The following PTK2 variants were observed in gnomAD, a reference collection of about 807,000 sequenced individuals.
PTK2 encodes focal adhesion kinase 1.
A neutral mutation model predicts 150.1 loss-of-function variants in PTK2; 45 were observed. That is an observed-to-expected ratio of 0.30 (90% confidence interval 0.24 to 0.38). PTK2 has a LOEUF of 0.38. Ranked by LOEUF, PTK2 falls within the 10% of genes least tolerant of loss-of-function variation. PTK2 has a pLI of 1.00. For synonymous variants in PTK2, 432 were observed against 449.2 expected (o/e 0.96, Z 0.48); for missense variants, 919 against 1,307.3 (o/e 0.70, Z 4.58).
intron 27 of PTK2, among the ~76,000 whole-genome samples, chr8:140,685,897 G>A (rs10090373): frequency 0.39 from 59,736 of 151,954 alleles, 12,916 homozygotes; most frequent in Non-Finnish European, 0.49. Flanking sequence ...CACACCCAAA[G>A]GAATATAAAT....
intron 8 of PTK2, among the ~76,000 whole-genome samples, chr8:140,824,899 G>A (rs2100110960): frequency 6.6e-6 from 1 of 152,174 alleles, no homozygotes; most frequent in Non-Finnish European, 1.5e-5. Context: ...AATTTACTAA[G>A]AATGTGATAC....
chr8:140,918,855 T>C (rs1045664539), intron 2 of PTK2, among the ~76,000 whole-genome samples: 3 of 152,270 alleles, frequency 2.0e-5, no homozygotes, highest in Non-Finnish European at 2.9e-5. Context: ...ACTGTGTCTT[T>C]ATCTACAAGT....
At chr8:140,811,267 G>C (rs1251249020) in intron 10 of PTK2, among the ~76,000 whole-genome samples, 1 of 152,194 alleles carries the variant, frequency 6.6e-6, no homozygotes, top group Non-Finnish European at 1.5e-5. Flanking sequence ...CAGTCTCCCA[G>C]AATTAGAGCA....
At chr8:140,764,449 T>C in intron 14 of PTK2, 159 bp from the exon 17 acceptor site, 1 of 608,628 alleles carries the variant, frequency 1.6e-6, no homozygotes, top group Non-Finnish European at 2.9e-6. Context: ...ATGAGTCATT[T>C]ATGGAAATAA....
chr8:140,807,962 A>G (rs756089737), intron 10 of PTK2, among the ~76,000 whole-genome samples: 1 of 152,110 alleles, frequency 6.6e-6, no homozygotes, highest in African/African-American at 2.4e-5. Context: ...GGACGGTGGT[A>G]GTGTAATGGT....
chr8:140,873,466 T>TTC (rs201871380), intron 4 of PTK2, among the ~76,000 whole-genome samples: 1 of 121,838 alleles, frequency 8.2e-6, no homozygotes, highest in Non-Finnish European at 2.1e-5. Context: ...GTCTGCAATT[T>TTC]TTTTTTTTTC....
intron 26 of PTK2, among the ~76,000 whole-genome samples, chr8:140,694,187 C>A (rs1336483015): frequency 6.6e-6 from 1 of 151,904 alleles, no homozygotes; most frequent in Non-Finnish European, 1.5e-5. Context: ...ACTACAGGCA[C>A]CTGCCACTAC....
At chr8:140,668,018 A>G (rs956335578) in intron 30 of PTK2, among the ~76,000 whole-genome samples, 1 of 152,224 alleles carries the variant, frequency 6.6e-6, no homozygotes, top group Non-Finnish European at 1.5e-5. Context: ...GTAATTATTA[A>G]AAGAGTGTAC....
intron 27 of PTK2, among the ~76,000 whole-genome samples, chr8:140,683,737 G>T (rs1034766089): frequency 7.4e-6 from 1 of 135,240 alleles, no homozygotes; most frequent in African/African-American, 2.8e-5. Context: ...CACATAAACA[G>T]AACTAAAAAA....
intron 14 of PTK2, among the ~76,000 whole-genome samples, chr8:140,772,666 C>T (rs2100076171): frequency 2.0e-5 from 3 of 152,102 alleles, no homozygotes; most frequent in South Asian, 4.1e-4. Flanking sequence ...ATAAGCAGCA[C>T]CATGTCTGTA....
At chr8:140,749,825 C>A (rs559457574) in intron 17 of PTK2, among the ~76,000 whole-genome samples, 1 of 152,238 alleles carries the variant, frequency 6.6e-6, no homozygotes, top group Admixed American at 6.5e-5. Flanking sequence ...TGCTGAGTAA[C>A]CTCTCAGAGA....
At chr8:140,809,884 T>C (rs1443851509) in intron 10 of PTK2, among the ~76,000 whole-genome samples, 1 of 152,212 alleles carries the variant, frequency 6.6e-6, no homozygotes, top group Non-Finnish European at 1.5e-5. Context: ...GTTACGTAGA[T>C]CAGTTCTACC....
chr8:140,806,081 C>T (rs2100098018), intron 10 of PTK2, among the ~76,000 whole-genome samples: 1 of 152,092 alleles, frequency 6.6e-6, no homozygotes, highest in African/African-American at 2.4e-5. Context: ...ATGGGTAATT[C>T]CTGCACAATA....
At chr8:140,846,489 T>G in intron 6 of PTK2, 110 bp downstream of exon 6, 1 of 1,127,260 alleles carries the variant, frequency 8.9e-7, no homozygotes, top group Non-Finnish European at 1.3e-6. Flanking sequence ...CAAATTTTAT[T>G]CAGTATTTCA....
intron 8 of PTK2, among the ~76,000 whole-genome samples, chr8:140,830,094 C>CAT (rs1263341671): frequency 1.3e-5 from 2 of 152,008 alleles, no homozygotes; most frequent in East Asian, 3.8e-4. Flanking sequence ...TACACACACA[C>CAT]ACACACACAC....
At chr8:140,800,872 C>T (rs972383171) in intron 11 of PTK2, among the ~76,000 whole-genome samples, 1 of 152,130 alleles carries the variant, frequency 6.6e-6, no homozygotes, top group African/African-American at 2.4e-5. Context: ...GCCCCTCTGG[C>T]ATACTCCAGT....
chr8:140,877,182 G>A (rs915211108), intron 4 of PTK2, among the ~76,000 whole-genome samples: 21 of 151,668 alleles, frequency 1.4e-4, no homozygotes, highest in African/African-American at 4.8e-4. Flanking sequence ...ACAGGCACCC[G>A]CCACCACGCC....
intron 1 of PTK2, among the ~76,000 whole-genome samples, chr8:140,939,423 C>G (rs2100174888): frequency 6.6e-6 from 1 of 152,170 alleles, no homozygotes; most frequent in Non-Finnish European, 1.5e-5. Context: ...TAACAATGAT[C>G]AAGTCTCATC....
chr8:140,843,604 C>T (rs1441474913), intron 7 of PTK2, among the ~76,000 whole-genome samples: 1 of 152,182 alleles, frequency 6.6e-6, no homozygotes, highest in African/African-American at 2.4e-5. Context: ...AACTAGCACT[C>T]CTTTCTTGAC....
Sources: gnomAD v4.1 joint callset for allele counts (sites outside exome capture counted in the v4.1 genomes callset) on GRCh38, gnomAD v4.1.1 for gene constraint, MANE v1.5 for transcripts, NCBI Gene and HGNC (gene_info 2026-07-23, HGNC 2026-07-21) for gene names.